The following CHN2 variants were observed in gnomAD, a reference collection of about 807,000 sequenced individuals.
CHN2 encodes the protein beta-chimaerin.
Under a neutral mutation model 56.3 loss-of-function variants are expected in CHN2, and 35 were observed. That is an observed-to-expected ratio of 0.62 (90% confidence interval 0.47 to 0.82). CHN2 has a LOEUF of 0.82. Ranked by LOEUF, CHN2 falls within the 40% of genes least tolerant of loss-of-function variation. The probability of loss-of-function intolerance (pLI) is 0.00; values close to 1 mark genes in which losing one functional copy is unlikely to be tolerated. For synonymous variants in CHN2, 210 were observed against 212.8 expected (o/e 0.99, Z 0.12); for missense variants, 491 against 580.5 (o/e 0.85, Z 1.58).
intron 6 of CHN2, among the ~76,000 whole-genome samples, chr7:29,447,686 A>G (rs1784125685): frequency 6.6e-6 from 1 of 152,278 alleles, no homozygotes; most frequent in African/African-American, 2.4e-5. Context: ...GAGCACAAGG[A>G]CAGTTTTTGG....
chr7:29,276,331 G>A (rs1423313548), intron 1 of CHN2, among the ~76,000 whole-genome samples: 1 of 152,196 alleles, frequency 6.6e-6, no homozygotes, highest in Non-Finnish European at 1.5e-5. Context: ...AGGGTGTGGA[G>A]GGATGCAGTT....
chr7:29,424,689 T>C (rs1467112672), intron 6 of CHN2, among the ~76,000 whole-genome samples: 1 of 152,176 alleles, frequency 6.6e-6, no homozygotes, highest in Non-Finnish European at 1.5e-5. Flanking sequence ...ATTTCTAGTT[T>C]CTCTTTTTTA....
At chr7:29,242,424 C>T (rs973871301) in intron 1 of CHN2, among the ~76,000 whole-genome samples, 3 of 152,176 alleles carry the variant, frequency 2.0e-5, no homozygotes, top group African/African-American at 7.2e-5. Context: ...CTGCCCTCTG[C>T]ATACTGCTGG....
intron 1 of CHN2, among the ~76,000 whole-genome samples, chr7:29,300,855 G>A (rs766772835): frequency 2.6e-5 from 4 of 152,138 alleles, no homozygotes; most frequent in Admixed American, 2.6e-4. Flanking sequence ...ACACAGGAAA[G>A]GAATGAGCTT....
Position 29,343,551 on chromosome 7 carries a change from T to C in CHN2, c.50-11074T>C, listed in dbSNP as rs548416674. On this transcript the variant is annotated intron_variant, in intron 1 of 12. Coordinates refer to ENST00000222792, the MANE Select transcript of CHN2 (RefSeq NM_004067.4). Reference sequence around the variant, plus strand: ...AGGTCATGAGAAACCCCCATGTTGCTGCAGCAACAGCTCTCTCCATGTGTA... The same window carrying C: ...AGGTCATGAGAAACCCCCATGTTGCCGCAGCAACAGCTCTCTCCATGTGTA... Among the ~76,000 whole-genome samples the C allele has an allele frequency of 4.6e-5, 7 of 152,296 alleles. No homozygotes were observed. In the South Asian group the frequency reaches 6.2e-4, roughly 14 times the overall value.
intron 1 of CHN2, among the ~76,000 whole-genome samples, chr7:29,229,995 A>G (rs1786541435): frequency 6.6e-6 from 1 of 151,886 alleles, no homozygotes; most frequent in Non-Finnish European, 1.5e-5. Context: ...ATAAATAAAT[A>G]AATAAATAAG....
chr7:29,484,236 A>C (rs562795385), intron 7 of CHN2, among the ~76,000 whole-genome samples: 1 of 152,366 alleles, frequency 6.6e-6, no homozygotes, highest in South Asian at 2.1e-4. Context: ...TTGTTTAAAA[A>C]GTAAATGGAT....
intron 2 of CHN2, among the ~76,000 whole-genome samples, chr7:29,160,740 G>A (rs1156623897): frequency 6.6e-6 from 1 of 152,182 alleles, no homozygotes; most frequent in Non-Finnish European, 1.5e-5. Flanking sequence ...CACTGAGGCA[G>A]AGAGGAAGGG....
intron 2 of CHN2, among the ~76,000 whole-genome samples, chr7:29,187,972 C>G (rs146282023): frequency 1.1e-3 from 169 of 152,268 alleles, no homozygotes; most frequent in African/African-American, 3.8e-3. Flanking sequence ...GTATCTGTAG[C>G]TAAATTAGGA....
intron 6 of CHN2, among the ~76,000 whole-genome samples, chr7:29,407,348 G>A (rs1298453530): frequency 6.6e-6 from 1 of 151,976 alleles, no homozygotes; most frequent in African/African-American, 2.4e-5. Context: ...GTCCTAGGGG[G>A]TGGAGAGGCT....
At chr7:29,490,489 C>T (rs146432576) in intron 7 of CHN2, among the ~76,000 whole-genome samples, 47 of 152,274 alleles carry the variant, frequency 3.1e-4, no homozygotes, top group Middle Eastern at 3.4e-3. Context: ...TCTATTTCAA[C>T]TTTGTATATC....
intron 6 of CHN2, among the ~76,000 whole-genome samples, chr7:29,451,760 G>A (rs1784420172): frequency 6.6e-6 from 1 of 152,148 alleles, no homozygotes; most frequent in Non-Finnish European, 1.5e-5. Context: ...AAACTAGGGT[G>A]TGAAGGCACT....
intron 1 of CHN2, among the ~76,000 whole-genome samples, chr7:29,322,941 G>A (rs1014866658): frequency 2.0e-5 from 3 of 152,120 alleles, no homozygotes; most frequent in African/African-American, 4.8e-5. Context: ...GGATCACGAG[G>A]TCAAGAGATC....
At chr7:29,167,168 AT>A (rs1343977575) in intron 2 of CHN2, among the ~76,000 whole-genome samples, 1 of 152,166 alleles carries the variant, frequency 6.6e-6, no homozygotes, top group African/African-American at 2.4e-5. Flanking sequence ...AATATCTTGA[AT>A]TTTGTGTTAA....
chr7:29,375,387 G>A (rs1380263797), intron 3 of CHN2, among the ~76,000 whole-genome samples: 2 of 150,314 alleles, frequency 1.3e-5, no homozygotes, highest in Non-Finnish European at 3.0e-5. Context: ...GTAGAGACAG[G>A]GTTTCACCAT....
rs1414025279 is a variant in CHN2, at chr7:29,507,218, T to C, written c.992-10T>C. On this transcript the variant is annotated splice_polypyrimidine_tract_variant and intron_variant, in intron 10 of 12. Coordinates refer to ENST00000222792, the MANE Select transcript of CHN2 (RefSeq NM_004067.4). ...CCTAATTAGGACTTGGATCACTGAT[T>C]GTTTTTCAGATGGTGAAAAGGCCGA... 1.2e-6 allele frequency: 2 copies of C among 1,601,352 alleles called. No individual in the cohort carries two copies. The highest frequency in any genetic ancestry group is 1.7e-6 in the Non-Finnish European group (2 of 1,176,286).
chr7:29,230,513 G>A (rs1183974493), intron 1 of CHN2, among the ~76,000 whole-genome samples: 1 of 152,034 alleles, frequency 6.6e-6, no homozygotes, highest in Non-Finnish European at 1.5e-5. Flanking sequence ...GCTAAATTTT[G>A]TACTTTTAGT....
chr7:29,395,359 C>T (rs957280906), intron 4 of CHN2, among the ~76,000 whole-genome samples: 5 of 152,084 alleles, frequency 3.3e-5, no homozygotes, highest in African/African-American at 1.2e-4. Context: ...CTCATCTCTA[C>T]AAGAAATACA....
intron 6 of CHN2, among the ~76,000 whole-genome samples, chr7:29,452,625 G>A (rs1426548471): frequency 6.6e-6 from 1 of 152,170 alleles, no homozygotes; most frequent in East Asian, 1.9e-4. Flanking sequence ...TTCTAAAAGT[G>A]TTCTTTATTT....
Sources: gnomAD v4.1 joint callset for allele counts (sites outside exome capture counted in the v4.1 genomes callset) on GRCh38, gnomAD v4.1.1 for gene constraint, MANE v1.5 for transcripts, NCBI Gene and HGNC (gene_info 2026-07-23, HGNC 2026-07-21) for gene names.